Variants in C1D observed in about 807,000 individuals in gnomAD.
C1D encodes the protein nuclear nucleic acid-binding protein C1D.
Under a neutral mutation model 17.5 loss-of-function variants are expected in C1D, and 10 were observed. The observed-to-expected ratio is 0.57, with a 90% CI of 0.35 to 0.97. C1D has a LOEUF of 0.97. Among genes scored for constraint, C1D ranks in the 50% least tolerant of loss-of-function variants. The probability of loss-of-function intolerance (pLI) is 0.01; values close to 1 mark genes in which losing one functional copy is unlikely to be tolerated. For missense variants in C1D, 136 were observed against 160.1 expected (o/e 0.85, Z 0.81); for synonymous variants, 49 against 54.0 (o/e 0.91, Z 0.40).
intron 2 of C1D, 91 bp downstream of exon 2, chr2:68,047,082 G>C (rs1231508243): frequency 8.5e-7 from 1 of 1,172,606 alleles, no homozygotes; most frequent in Non-Finnish European, 1.2e-6. Context: ...AAGGGGCATA[G>C]GTCATTAATC....
At chr2:68,046,794 CG>C (rs1319357316) in intron 2 of C1D, among the ~76,000 whole-genome samples, 10 of 152,178 alleles carry the variant, frequency 6.6e-5, no homozygotes, top group African/African-American at 2.4e-4. Context: ...TTAGGCAATA[CG>C]AAAGACAGAA....
At chr2:68,057,199 T>C (rs376235129) in intron 1 of C1D, among the ~76,000 whole-genome samples, 63 of 152,280 alleles carry the variant, frequency 4.1e-4, no homozygotes, top group African/African-American at 1.4e-3. Context: ...GTTGCCCAGG[T>C]TGGAGTGCAG....
Position 68,043,041 on chromosome 2 carries a change from C to T in C1D, c.274G>A (p.Val92Ile). Reference sequence around the variant, plus strand: ...ATTTCCTTGACTCTGTTCATATATACTCTGATTCTTTCCTTAAAGATAAAA... The same window carrying T: ...ATTTCCTTGACTCTGTTCATATATATTCTGATTCTTTCCTTAAAGATAAAA... ...PVKQELERIR[V>I]YMNRVKEITD... Residue 92 changes from valine to isoleucine, a missense_variant, in exon 5 of 5, where the codon GTA becomes ATA. By Grantham distance (29) the Val-to-Ile change is conservative. Coordinates refer to ENST00000410067, the MANE Select transcript of C1D (RefSeq NM_173177.3). 1.9e-6 allele frequency: 3 copies of T among 1,585,664 alleles called. No homozygotes were observed. The highest frequency in any genetic ancestry group is 2.6e-6 in the Non-Finnish European group (3 of 1,169,376).
chr2:68,046,080 T>C, intron 3 of C1D, 37 bp from the exon 4 acceptor site: 1 of 1,388,292 alleles, frequency 7.2e-7, no homozygotes, highest in Non-Finnish European at 1.0e-6. Flanking sequence ...AAATGGTGAA[T>C]GTATTAATTT....
At chr2:68,057,148 CTATT>C (rs372901512) in intron 1 of C1D, among the ~76,000 whole-genome samples, 6 of 152,000 alleles carry the variant, frequency 3.9e-5, no homozygotes, top group South Asian at 2.1e-4. Flanking sequence ...ATAATACATC[CTATT>C]TATTTATTTA....
At chr2:68,044,889 G>A (rs947600873) in intron 4 of C1D, among the ~76,000 whole-genome samples, 2 of 151,936 alleles carry the variant, frequency 1.3e-5, no homozygotes, top group Admixed American at 6.6e-5. Flanking sequence ...TCATGTTAAT[G>A]GAAAAAAGAG....
chr2:68,059,450 C>T (rs902160180), intron 1 of C1D, among the ~76,000 whole-genome samples: 2 of 152,168 alleles, frequency 1.3e-5, no homozygotes, highest in Non-Finnish European at 2.9e-5. Context: ...ATGCTCCCTC[C>T]TCTATAAAGG....
chr2:68,057,887 A>AG (rs1245932609), intron 1 of C1D, among the ~76,000 whole-genome samples: 2 of 152,186 alleles, frequency 1.3e-5, no homozygotes, highest in African/African-American at 4.8e-5. Flanking sequence ...ATGGTACAAA[A>AG]GCCTCCTCTG....
At chr2:68,059,130 G>A (rs1263315828) in intron 1 of C1D, among the ~76,000 whole-genome samples, 4 of 152,204 alleles carry the variant, frequency 2.6e-5, no homozygotes, top group African/African-American at 4.8e-5. Context: ...GATAAAGGGG[G>A]AGCAGGCATG....
At chr2:68,048,950 C>CT (rs1671207822) in intron 1 of C1D, among the ~76,000 whole-genome samples, 1 of 152,106 alleles carries the variant, frequency 6.6e-6, no homozygotes, top group Admixed American at 6.5e-5. Flanking sequence ...AATCCCAGCA[C>CT]TTTTGGGAGG....
intron 2 of C1D, 122 bp from the exon 3 acceptor site, chr2:68,046,532 T>C (rs898095135): frequency 1.3e-5 from 8 of 636,084 alleles, no homozygotes; most frequent in Admixed American, 3.2e-5. Flanking sequence ...AGAAGTTTTT[T>C]TCACTTCATA....
intron 1 of C1D, among the ~76,000 whole-genome samples, chr2:68,050,602 T>C (rs1186379940): frequency 6.6e-6 from 1 of 152,196 alleles, no homozygotes; most frequent in East Asian, 1.9e-4. Flanking sequence ...GGCTCCTTTC[T>C]TGGTCTCTTC....
At chr2:68,043,094 T>C (rs541879766) in intron 4 of C1D, 41 bp from the exon 5 acceptor site, 1 of 1,453,818 alleles carries the variant, frequency 6.9e-7, no homozygotes, top group African/African-American at 1.4e-5. Flanking sequence ...TACTAAGCTA[T>C]TCGCCACCAC....
chr2:68,052,172 A>G (rs1671304565), intron 1 of C1D, among the ~76,000 whole-genome samples: 1 of 152,174 alleles, frequency 6.6e-6, no homozygotes, highest in Non-Finnish European at 1.5e-5. Context: ...CATTGTATAT[A>G]ACACATAATG....
chr2:68,047,779 C>A (rs1390753683), intron 1 of C1D, among the ~76,000 whole-genome samples: 1 of 152,056 alleles, frequency 6.6e-6, no homozygotes, highest in Non-Finnish European at 1.5e-5. Flanking sequence ...GACATGATGA[C>A]CAAACATGAG....
At position 68,042,841 on chromosome 2, in the gene C1D, G is replaced by GGA; in HGVS notation, c.*47_*48insTC. The GGA allele has an allele frequency of 5.4e-6, 2 of 368,400 alleles. No homozygotes were observed. Among genetic ancestry groups the GGA allele is most frequent in the Non-Finnish European group, 9.0e-6 (2 of 221,190 alleles). The allele number at this position is 368,400 out of a possible 1,614,324, so 22.8% of individuals were successfully genotyped here. On this transcript the variant is annotated 3_prime_UTR_variant, in exon 5 of 5. Coordinates refer to ENST00000410067, the MANE Select transcript of C1D (RefSeq NM_173177.3). ...AGAATTATTTTGCGGGGGGGGGGGG[G>GGA]GGGGGGAAGATGTACTTTTTGAATA...
rs187090638 is a variant in C1D at position 68,050,474 on chromosome 2, C to G, written c.-9-3155G>C. Among the ~76,000 whole-genome samples, 3 of 152,260 alleles carry G rather than the reference C, an allele frequency of 2.0e-5. No homozygotes were observed. The East Asian group carries it at 5.8e-4, about 29-fold the overall frequency. ...ACCTTACTTTTCTCTCAAAATTGCA[C>G]TTGGCAAGGTCACCCACACTACCAC... On this transcript the variant is annotated intron_variant, in intron 1 of 4. Coordinates refer to ENST00000410067, the MANE Select transcript of C1D (RefSeq NM_173177.3).
intron 4 of C1D, 129 bp downstream of exon 4, chr2:68,045,859 T>C (rs1671104225): frequency 4.9e-6 from 3 of 607,824 alleles, no homozygotes; most frequent in Non-Finnish European, 8.5e-6. Flanking sequence ...CCAAAGATAA[T>C]AAGGTCTGGC....
At chr2:68,062,660 G>T (rs533926914) in intron 1 of C1D, among the ~76,000 whole-genome samples, 2 of 152,238 alleles carry the variant, frequency 1.3e-5, no homozygotes, top group East Asian at 1.9e-4. Context: ...CGTCTTCCAA[G>T]ATTTGAGAAG....
Sources: gnomAD v4.1 joint callset for allele counts (sites outside exome capture counted in the v4.1 genomes callset) on GRCh38, gnomAD v4.1.1 for gene constraint, MANE v1.5 for transcripts, NCBI Gene and HGNC (gene_info 2026-07-23, HGNC 2026-07-21) for gene names.